Variants in LRP1B observed in about 807,000 individuals in gnomAD.
The protein encoded by LRP1B is LDL receptor related protein 1B, also known as low-density lipoprotein receptor-related protein 1B.
LRP1B carries 217 observed loss-of-function variants against 556.6 expected under a neutral mutation model. The observed-to-expected ratio is 0.39, with a 90% CI of 0.35 to 0.44. The LOEUF is 0.44. Among genes scored for constraint, LRP1B ranks in the 20% least tolerant of loss-of-function variants. The pLI, the probability that LRP1B is intolerant of heterozygous loss-of-function variation, is 1.00. For missense variants in LRP1B, 5,053 were observed against 5,620.8 expected (o/e 0.90, Z 3.23); for synonymous variants, 2,047 against 1,865.8 (o/e 1.10, Z -2.50).
intron 1 of LRP1B, among the ~76,000 whole-genome samples, chr2:141,874,084 A>ATTTTTT (rs200281267): frequency 9.7e-5 from 10 of 103,124 alleles, no homozygotes; most frequent in Admixed American, 2.2e-4. Context: ...TGAACTAACA[A>ATTTTTT]TTTTTTTTTT....
chr2:141,260,865 G>C (rs1684656427), intron 3 of LRP1B, among the ~76,000 whole-genome samples: 1 of 152,016 alleles, frequency 6.6e-6, no homozygotes, highest in Non-Finnish European at 1.5e-5. Context: ...TTACAAAATG[G>C]GATGATATTT....
intron 1 of LRP1B, among the ~76,000 whole-genome samples, chr2:141,888,756 T>C (rs1001269393): frequency 6.6e-5 from 10 of 152,104 alleles, no homozygotes; most frequent in African/African-American, 1.4e-4. Flanking sequence ...GGAATGACAG[T>C]GCTCGGGAAG....
intron 2 of LRP1B, among the ~76,000 whole-genome samples, chr2:141,668,519 G>A (rs1470753983): frequency 6.6e-6 from 1 of 152,198 alleles, no homozygotes; most frequent in African/African-American, 2.4e-5. Context: ...GAGAAGGAAT[G>A]TCTGAACATC....
intron 3 of LRP1B, among the ~76,000 whole-genome samples, chr2:141,288,662 T>G (rs150178343): frequency 6.6e-6 from 1 of 152,322 alleles, no homozygotes; most frequent in African/African-American, 2.4e-5. Context: ...AGACACATTT[T>G]AATTTTTTTC....
intron 7 of LRP1B, among the ~76,000 whole-genome samples, chr2:141,153,591 C>T (rs1701992812): frequency 3.8e-5 from 5 of 129,914 alleles, no homozygotes; most frequent in South Asian, 2.3e-4. Context: ...TATATATTAG[C>T]TATATATATT....
chr2:140,470,381 C>T (rs1202885277), intron 60 of LRP1B, among the ~76,000 whole-genome samples: 1 of 151,974 alleles, frequency 6.6e-6, no homozygotes, highest in African/African-American at 2.4e-5. Context: ...TGGTGGCTCA[C>T]GCCTGTAATC....
intron 23 of LRP1B, among the ~76,000 whole-genome samples, chr2:140,894,457 T>A (rs1446251252): frequency 6.6e-6 from 1 of 151,496 alleles, no homozygotes; most frequent in East Asian, 1.9e-4. Flanking sequence ...AGAAAAAAAA[T>A]TAAGACATGG....
At chr2:141,851,167 C>T (rs1697842842) in intron 1 of LRP1B, among the ~76,000 whole-genome samples, 1 of 151,748 alleles carries the variant, frequency 6.6e-6, no homozygotes, top group Non-Finnish European at 1.5e-5. Context: ...GGCGTATATT[C>T]ATTTGGCAAA....
chr2:140,877,942 G>T (rs1261051444), intron 25 of LRP1B, among the ~76,000 whole-genome samples: 2 of 152,162 alleles, frequency 1.3e-5, no homozygotes, highest in Non-Finnish European at 2.9e-5. Context: ...GGTTTATGGG[G>T]TTCACAGACA....
At chr2:140,634,084 G>T (rs1683989720) in intron 41 of LRP1B, among the ~76,000 whole-genome samples, 1 of 152,062 alleles carries the variant, frequency 6.6e-6, no homozygotes, top group Non-Finnish European at 1.5e-5. Context: ...AGCAGTGCAT[G>T]AAAAGAATTA....
At chr2:140,600,764 G>A (rs929235856) in intron 42 of LRP1B, among the ~76,000 whole-genome samples, 24 of 72,234 alleles carry the variant, frequency 3.3e-4, no homozygotes, top group African/African-American at 9.7e-4. Context: ...TTTGTTCTTC[G>A]GGGTTTTTTT....
At chr2:140,601,767 A>G in intron 41 of LRP1B, 128 bp from the exon 42 acceptor site, 2 of 558,706 alleles carry the variant, frequency 3.6e-6, no homozygotes, top group East Asian at 6.2e-5. Context: ...CAAAATCTCC[A>G]AAATAAAAAT....
chr2:142,106,062 A>C (rs1260094010), intron 1 of LRP1B, among the ~76,000 whole-genome samples: 1 of 152,158 alleles, frequency 6.6e-6, no homozygotes, highest in African/African-American at 2.4e-5. Flanking sequence ...TGTCTACCAC[A>C]CTTGCTTTAC....
intron 15 of LRP1B, among the ~76,000 whole-genome samples, chr2:141,000,914 C>CTATAT (rs1558792514): frequency 6.6e-6 from 1 of 151,604 alleles, no homozygotes; most frequent in Non-Finnish European, 1.5e-5. Context: ...CAATATCTTT[C>CTATAT]CTATATCAAT....
chr2:141,979,327 A>G (rs913849514), intron 1 of LRP1B, among the ~76,000 whole-genome samples: 1 of 152,202 alleles, frequency 6.6e-6, no homozygotes, highest in East Asian at 1.9e-4. Context: ...AACAGGCAGG[A>G]ATTTCATTAG....
intron 31 of LRP1B, among the ~76,000 whole-genome samples, chr2:140,837,926 G>A (rs1691967311): frequency 6.6e-6 from 1 of 151,870 alleles, no homozygotes; most frequent in African/African-American, 2.4e-5. Context: ...ACATGTACCT[G>A]AAAACTTAAA....
At chr2:141,047,505 T>A (rs1189977752) in intron 11 of LRP1B, among the ~76,000 whole-genome samples, 1 of 152,126 alleles carries the variant, frequency 6.6e-6, no homozygotes, top group Non-Finnish European at 1.5e-5. Context: ...TCTCTGCTTT[T>A]ATTTTCTCAT....
chr2:141,580,891 A>ATGTAATC lies in LRP1B; in HGVS notation c.206-100359_206-100358insGATTACA, dbSNP rs140310310. 3.2e-3 allele frequency among the ~76,000 whole-genome samples: 494 copies of ATGTAATC among 152,332 alleles called. 1 individual carries two copies. Among genetic ancestry groups the ATGTAATC allele is most frequent in the Non-Finnish European group, 5.7e-3 (389 of 68,020 alleles). ...GAGAAGGCAGTAATTACACATTGAA[A>ATGTAATC]TGTAAACAGATTAGCCTTTGGGCTT... On this transcript the variant is annotated intron_variant, in intron 2 of 90. Coordinates refer to ENST00000389484, the MANE Select transcript of LRP1B (RefSeq NM_018557.3).
intron 83 of LRP1B, among the ~76,000 whole-genome samples, chr2:140,305,045 T>C (rs1684007478): frequency 6.6e-6 from 1 of 152,194 alleles, no homozygotes; most frequent in African/African-American, 2.4e-5. Context: ...ATCATGCTGT[T>C]TTGGTTACTG....
Sources: allele counts gnomAD v4.1 joint callset (sites outside exome capture counted in the v4.1 genomes callset), GRCh38; gene constraint gnomAD v4.1.1; transcripts MANE v1.5; gene names NCBI Gene and HGNC (gene_info 2026-07-23, HGNC 2026-07-21).